Variants in AXDND1 observed in about 807,000 individuals in gnomAD.
The protein encoded by AXDND1 is axonemal dynein light chain domain-containing protein 1.
In AXDND1, 110 loss-of-function variants were observed where a neutral mutation model predicts 137.5. The ratio of observed to expected loss-of-function variants is 0.80; its 90% confidence interval spans 0.69 to 0.94. The LOEUF (loss-of-function observed/expected upper bound fraction) is 0.94. Ranked by LOEUF, AXDND1 falls within the 40% of genes least tolerant of loss-of-function variation. The pLI, the probability that AXDND1 is intolerant of heterozygous loss-of-function variation, is 0.00. For synonymous variants in AXDND1, 414 were observed against 399.7 expected, an observed-to-expected ratio of 1.04 and a Z score of -0.43; for missense variants, 1,191 against 1,169.8, an observed-to-expected ratio of 1.02 and a Z score of -0.26.
intron 15 of AXDND1, among the ~76,000 whole-genome samples, chr1:179,441,910 T>C (rs1319917494): frequency 6.6e-6 from 1 of 152,228 alleles, no homozygotes; most frequent in Admixed American, 6.5e-5. Flanking sequence ...TCACGCCAAG[T>C]GTTTCTCATC....
chr1:179,460,737 A>T (rs372260553), intron 16 of AXDND1, among the ~76,000 whole-genome samples: 6 of 152,094 alleles, frequency 3.9e-5, no homozygotes, highest in Non-Finnish European at 1.5e-5. Context: ...TTTAATGATC[A>T]CCATTCTAAC....
Position 179,396,176 on chromosome 1 carries a change from G to GA in AXDND1, c.1109+989dup, listed in dbSNP as rs71111985. ...AGAGTGAGATTCTGTCCCATAAAAA[G>GA]AAAAAAAAAAAAAAAGAAAAATATT... On this transcript the variant is annotated intron_variant, in intron 11 of 25. Coordinates refer to ENST00000367618, the MANE Select transcript of AXDND1 (RefSeq NM_144696.6). Among the ~76,000 whole-genome samples, 508 of 106,016 alleles carry GA rather than the reference G, an allele frequency of 4.8e-3. 3 individuals are homozygous for GA. The highest frequency in any genetic ancestry group is 0.016 in the African/African-American group (439 of 28,058). The allele number at this position is 106,016 out of a possible 152,430, so 69.6% of individuals were successfully genotyped here.
At chr1:179,495,702 GC>G (rs1425790917) in intron 20 of AXDND1, among the ~76,000 whole-genome samples, 1 of 150,076 alleles carries the variant, frequency 6.7e-6, no homozygotes, top group East Asian at 1.9e-4. Flanking sequence ...TCTTTTTCTT[GC>G]CTTATTGCAC....
At chr1:179,457,274 C>T in intron 16 of AXDND1, 1 of 678,856 alleles carries the variant, frequency 1.5e-6, no homozygotes, top group Middle Eastern at 4.2e-4. Flanking sequence ...CTAAGCTCAA[C>T]CGTCCAAGGA....
intron 25 of AXDND1, among the ~76,000 whole-genome samples, chr1:179,546,596 T>C (rs1370512354): frequency 1.3e-5 from 2 of 152,132 alleles, no homozygotes; most frequent in Admixed American, 1.3e-4. Context: ...GACCGAGCCA[T>C]GCTGTCCATT....
At chr1:179,392,092 T>G (rs1650296846) in intron 9 of AXDND1, among the ~76,000 whole-genome samples, 1 of 152,202 alleles carries the variant, frequency 6.6e-6, no homozygotes, top group Non-Finnish European at 1.5e-5. Context: ...CAGTGTACAC[T>G]GTACCAAATA....
intron 21 of AXDND1, among the ~76,000 whole-genome samples, chr1:179,525,028 T>A (rs963713613): frequency 1.3e-5 from 2 of 152,086 alleles, no homozygotes; most frequent in Admixed American, 1.3e-4. Flanking sequence ...TCCTTCCCCA[T>A]CCTTCAAGAA....
chr1:179,535,217 G>GT lies in AXDND1; in HGVS notation c.3031+265dup, dbSNP rs1162446657. Among the ~76,000 whole-genome samples the GT allele has an allele frequency of 5.4e-3, 796 of 148,768 alleles. 5 individuals carry two copies. Among genetic ancestry groups the GT allele is most frequent in the African/African-American group, 0.018 (725 of 40,578 alleles). On this transcript the variant is annotated intron_variant, in intron 25 of 25. Coordinates refer to ENST00000367618, the MANE Select transcript of AXDND1 (RefSeq NM_144696.6). ...ATTTTTATTTACAAAACTGGCAAAG[G>GT]TTTTTTTTTTCTTTTTTTTATTATA...
chr1:179,517,298 A>C (rs1669637075), intron 21 of AXDND1, among the ~76,000 whole-genome samples: 1 of 152,178 alleles, frequency 6.6e-6, no homozygotes, highest in African/African-American at 2.4e-5. Context: ...TACTCCCACC[A>C]TGCCCCTACT....
In AXDND1 at chr1:179,500,337, A is replaced by ATGTGTGTGTG. The variant is rs57654195; in HGVS notation, c.2388+7422_2388+7431dup. 4.6e-3 allele frequency among the ~76,000 whole-genome samples: 610 copies of ATGTGTGTGTG among 133,868 alleles called. 9 individuals carry two copies. Among genetic ancestry groups the ATGTGTGTGTG allele is most frequent in the African/African-American group, 0.013 (456 of 35,878 alleles). The allele number at this position is 133,868 out of a possible 152,430, so 87.8% of individuals were successfully genotyped here. A position where few individuals can be genotyped will look rare whatever the true frequency, so the allele number is the denominator to read the frequency against. ...ATAGCCATTAATTGCAGGGTACATTATGTGTGTGTGTGTGTGTGTGTGTGT... is the reference window on the plus strand; with the variant it reads ...ATAGCCATTAATTGCAGGGTACATTATGTGTGTGTGTGTGTGTGTGTGTGTGTGTGTGTGT... On this transcript the variant is annotated intron_variant, in intron 20 of 25. Transcript: ENST00000367618.
intron 9 of AXDND1, 142 bp from the exon 10 acceptor site, chr1:179,393,761 G>A (rs952582467): frequency 3.8e-6 from 2 of 533,080 alleles, no homozygotes; most frequent in African/African-American, 4.0e-5. Context: ...TTGTAAAAGG[G>A]ATTGATTTCT....
At chr1:179,477,295 C>T (rs1664753017) in intron 17 of AXDND1, among the ~76,000 whole-genome samples, 1 of 116,976 alleles carries the variant, frequency 8.5e-6, no homozygotes, top group Non-Finnish European at 1.9e-5. Flanking sequence ...GTTCTGTGAA[C>T]ATGAACTAAC....
chr1:179,488,798 G>A (rs1324039856), intron 18 of AXDND1, among the ~76,000 whole-genome samples: 2 of 142,124 alleles, frequency 1.4e-5, no homozygotes, highest in Non-Finnish European at 1.5e-5. Context: ...GCAGTGGCAC[G>A]TTCTCAGCTC....
intron 12 of AXDND1, among the ~76,000 whole-genome samples, chr1:179,421,283 T>C (rs535518516): frequency 6.6e-6 from 1 of 151,946 alleles, no homozygotes; most frequent in East Asian, 1.9e-4. Context: ...TTGCACAAGA[T>C]TGCTTTGGTT....
chr1:179,404,286 A>G (rs1304993392), intron 11 of AXDND1, among the ~76,000 whole-genome samples: 1 of 150,910 alleles, frequency 6.6e-6, no homozygotes, highest in Admixed American at 6.6e-5. Context: ...CAGTGGCACA[A>G]TCTTGGCTCA....
Position 179,483,140 on chromosome 1 carries a change from G to A in AXDND1, c.2010G>A (p.Ala670=), listed in dbSNP as rs10494520. The change falls in exon 18 of 26, where the codon GCG becomes GCA. Residue 670 remains alanine, a synonymous_variant. Coordinates refer to ENST00000367618, the MANE Select transcript of AXDND1 (RefSeq NM_144696.6). ...IDVDSVSVLQ[A]YIFNMIQQWL... Reference sequence around the variant, plus strand: ...ATTTTTCCTTCAGGGTACTCCAAGCGTATATATTTAACATGATTCAACAAT... The same window carrying A: ...ATTTTTCCTTCAGGGTACTCCAAGCATATATATTTAACATGATTCAACAAT... 0.13 allele frequency: 208,151 copies of A among 1,594,884 alleles called. 15,875 individuals carry two copies. The highest frequency in any genetic ancestry group is 0.36 in the East Asian group (15,855 of 44,212).
In AXDND1 at chr1:179,552,276, G is replaced by A. The variant is rs1395414631; in HGVS notation, c.3032-2236G>A. On this transcript the variant is annotated intron_variant, in intron 25 of 25. Coordinates refer to ENST00000367618, the MANE Select transcript of AXDND1 (RefSeq NM_144696.6). ...GGGATACCTAGAAGTTAGAAGTTAG[G>A]GTGACTACGATTACCCAGGAAAAGA... 5 of 399,504 alleles carry A rather than the reference G, an allele frequency of 1.3e-5. No individual in the cohort carries two copies. In the Admixed American group the frequency reaches 1.8e-4, roughly 15 times the overall value. 24.7% of individuals were successfully genotyped at this position (399,504 alleles called of 1,614,324 possible).
chr1:179,411,373 C>T (rs186215267), intron 12 of AXDND1, 107 bp downstream of exon 12: 2 of 1,433,676 alleles, frequency 1.4e-6, no homozygotes, highest in East Asian at 2.5e-5. Flanking sequence ...AAGAGTCTTA[C>T]TCACTCTGTT....
chr1:179,491,590 T>C lies in AXDND1; in HGVS notation c.2144T>C (p.Leu715Ser). The change falls in exon 19 of 26, where the codon TTA becomes TCA. Residue 715 changes from leucine to serine, a missense_variant. Leu to Ser is a moderately radical substitution (Grantham distance 145). Coordinates refer to ENST00000367618, the MANE Select transcript of AXDND1 (RefSeq NM_144696.6). The stretch of plus-strand genomic sequence containing the variant: ...CAGTGGATGGTAAACTTGCTGATTT[T>C]AATGATACCCAACTTTACTGACCAA... ...MIQWMVNLLI[L>S]MIPNFTDQDC... 6.2e-7 allele frequency: 1 copy of C among 1,613,558 alleles called. No homozygotes were observed. The highest frequency in any genetic ancestry group is 1.1e-5 in the South Asian group (1 of 91,052).
Sources: allele counts gnomAD v4.1 joint callset (sites outside exome capture counted in the v4.1 genomes callset), GRCh38; gene constraint gnomAD v4.1.1; transcripts MANE v1.5; gene names NCBI Gene and HGNC (gene_info 2026-07-23, HGNC 2026-07-21).